The following ANKS1B variants were observed in gnomAD, a reference collection of about 807,000 sequenced individuals.
ANKS1B encodes the protein ankyrin repeat and sterile alpha motif domain containing 1B, also known as ankyrin repeat and sterile alpha motif domain-containing protein 1B.
ANKS1B carries 36 observed loss-of-function variants against 148.3 expected under a neutral mutation model. The ratio of observed to expected loss-of-function variants is 0.24; its 90% confidence interval spans 0.19 to 0.32. ANKS1B has a LOEUF of 0.32. Among genes scored for constraint, ANKS1B ranks in the 10% least tolerant of loss-of-function variants. ANKS1B has a pLI of 1.00. For synonymous variants in ANKS1B, 542 were observed against 560.8 expected, an observed-to-expected ratio of 0.97 and a Z score of 0.47; for missense variants, 1,157 against 1,542.6, an observed-to-expected ratio of 0.75 and a Z score of 4.19.
At chr12:99,172,759 A>AT (rs895497635) in intron 14 of ANKS1B, among the ~76,000 whole-genome samples, 4 of 151,850 alleles carry the variant, frequency 2.6e-5, no homozygotes, top group Non-Finnish European at 5.9e-5. Flanking sequence ...AATAATAACA[A>AT]TTTTTTTAAA....
chr12:99,616,611 C>T (rs775895562), intron 9 of ANKS1B, among the ~76,000 whole-genome samples: 4 of 152,102 alleles, frequency 2.6e-5, no homozygotes, highest in East Asian at 1.9e-4. Flanking sequence ...AAACTGAACC[C>T]CTTTCTTACA....
intron 15 of ANKS1B, among the ~76,000 whole-genome samples, chr12:99,125,144 GA>G (rs764362649): frequency 6.6e-5 from 10 of 152,154 alleles, no homozygotes; most frequent in Non-Finnish European, 1.2e-4. Context: ...AATCGACAGA[GA>G]GGGGAAAATT....
chr12:99,453,246 C>T (rs766528750), intron 10 of ANKS1B, among the ~76,000 whole-genome samples: 4 of 151,964 alleles, frequency 2.6e-5, no homozygotes, highest in Non-Finnish European at 5.9e-5. Flanking sequence ...GCCGAGATTG[C>T]ACCACTGCAC....
intron 22 of ANKS1B, among the ~76,000 whole-genome samples, chr12:98,787,289 G>C (rs1475104481): frequency 6.6e-6 from 1 of 152,156 alleles, no homozygotes; most frequent in African/African-American, 2.4e-5. Context: ...ACTTTCTGGG[G>C]AAAGGCTTCC....
chr12:99,354,053 C>A (rs573077085), intron 12 of ANKS1B, among the ~76,000 whole-genome samples: 1 of 151,944 alleles, frequency 6.6e-6, no homozygotes, highest in South Asian at 2.1e-4. Context: ...CTGCTTCATG[C>A]AAGATAAAAG....
At chr12:99,176,008 G>A (rs147573296) in intron 14 of ANKS1B, among the ~76,000 whole-genome samples, 32 of 152,092 alleles carry the variant, frequency 2.1e-4, no homozygotes, top group Middle Eastern at 3.4e-3. Context: ...CACCATGCCC[G>A]GCTAATTTTT....
intron 9 of ANKS1B, among the ~76,000 whole-genome samples, chr12:99,576,432 C>T (rs1036498567): frequency 6.6e-6 from 1 of 151,924 alleles, no homozygotes; most frequent in African/African-American, 2.4e-5. Context: ...CAAGAATATA[C>T]ATTCTTCTCA....
intron 15 of ANKS1B, among the ~76,000 whole-genome samples, chr12:99,131,138 T>G (rs2065972521): frequency 6.6e-6 from 1 of 152,204 alleles, no homozygotes; most frequent in South Asian, 2.1e-4. Flanking sequence ...TCGTCTTTGC[T>G]TTATTCTTCC....
chr12:99,474,198 C>T (rs936731010), intron 10 of ANKS1B, among the ~76,000 whole-genome samples: 4 of 152,102 alleles, frequency 2.6e-5, no homozygotes, highest in Non-Finnish European at 4.4e-5. Flanking sequence ...TGTCCATTTT[C>T]GTATGTAAGT....
intron 17 of ANKS1B, among the ~76,000 whole-genome samples, chr12:98,878,949 A>G (rs1017310924): frequency 6.6e-6 from 1 of 152,158 alleles, no homozygotes; most frequent in Non-Finnish European, 1.5e-5. Flanking sequence ...CAATGCAGAG[A>G]CTCTAACAAA....
At position 99,015,321 on chromosome 12, in the gene ANKS1B, C is replaced by T. The variant is rs1038103051; in HGVS notation, c.2778+37836G>A. On this transcript the variant is annotated intron_variant, in intron 17 of 26. Transcript: ENST00000683438. ...TTCTCATTTATAAGTGGGAACTGAACGATGAGAACACATGGACACAACACA... is the reference window on the plus strand; with the variant it reads ...TTCTCATTTATAAGTGGGAACTGAATGATGAGAACACATGGACACAACACA... 4.6e-5 allele frequency among the ~76,000 whole-genome samples: 7 copies of T among 152,096 alleles called. 1 individual carries two copies. Among genetic ancestry groups the T allele is most frequent in the Admixed American group, 2.6e-4 (4 of 15,286 alleles).
At chr12:99,373,620 T>G (rs73151117) in intron 12 of ANKS1B, among the ~76,000 whole-genome samples, 18,929 of 152,182 alleles carry the variant, frequency 0.12, 1,249 homozygotes, top group African/African-American at 0.17. Context: ...GACTTTTTCA[T>G]TAGTTTCTTC....
chr12:99,701,079 C>A (rs555409908), intron 8 of ANKS1B, among the ~76,000 whole-genome samples: 1 of 152,276 alleles, frequency 6.6e-6, no homozygotes, highest in Admixed American at 6.5e-5. Flanking sequence ...AACTTTGTTA[C>A]CACACTTCAA....
Position 99,806,556 on chromosome 12 carries a change from G to A in ANKS1B, c.517C>T (p.Arg173Trp), listed in dbSNP as rs1359127931. Residue 173 changes from arginine (R) to tryptophan (W), a missense_variant, in exon 4 of 27, where the codon CGG becomes TGG. By Grantham distance (101) the Arg-to-Trp change is moderately radical. This residue lies in a region of ANKS1B where 164 missense variants were observed against 232.6 expected (regional missense o/e 0.71). Coordinates refer to ENST00000683438, the MANE Select transcript of ANKS1B (RefSeq NM_001352186.2). ...TPLDLAALYGRLRVVKMIISA... is the reference protein window; with the variant it reads ...TPLDLAALYGWLRVVKMIISA... ...ATGATCATTTTTACCACTCTAAGCC[G>A]TCCGTAGAGTGCCGCCAAGTCCAAA... The A allele has an allele frequency of 8.7e-6, 14 of 1,613,844 alleles. No homozygotes were observed. Among genetic ancestry groups the A allele is most frequent in the East Asian group, 2.2e-5 (1 of 44,858 alleles).
At chr12:98,757,053 GA>G (rs202183472) in intron 25 of ANKS1B, among the ~76,000 whole-genome samples, 14,034 of 145,578 alleles carry the variant, frequency 0.096, 712 homozygotes, top group Middle Eastern at 0.17. Flanking sequence ...AAAAAAAAAG[GA>G]AAAAAAAAAA....
At chr12:99,680,836 T>A (rs911928398) in intron 8 of ANKS1B, among the ~76,000 whole-genome samples, 2 of 152,108 alleles carry the variant, frequency 1.3e-5, no homozygotes, top group African/African-American at 4.8e-5. Flanking sequence ...CTAGCCTTAC[T>A]GGCTGCATGG....
intron 17 of ANKS1B, among the ~76,000 whole-genome samples, chr12:98,836,338 C>T (rs908745617): frequency 6.6e-6 from 1 of 152,190 alleles, no homozygotes; most frequent in African/African-American, 2.4e-5. Flanking sequence ...AGGTACCTCA[C>T]AGTATTCCCT....
chr12:99,256,216 C>T (rs770393332), intron 12 of ANKS1B, among the ~76,000 whole-genome samples: 2 of 149,052 alleles, frequency 1.3e-5, no homozygotes, highest in Non-Finnish European at 3.0e-5. Context: ...TGTCACTGCA[C>T]TCCAGCCTGG....
intron 4 of ANKS1B, among the ~76,000 whole-genome samples, chr12:99,805,263 C>CAAAAAAGAA (rs2067458437): frequency 3.5e-5 from 1 of 28,908 alleles, no homozygotes; most frequent in Non-Finnish European, 5.8e-5. Context: ...GAGGAAAAGG[C>CAAAAAAGAA]AAAAAAAAAA....
Sources: allele counts gnomAD v4.1 joint callset (sites outside exome capture counted in the v4.1 genomes callset), GRCh38; gene constraint gnomAD v4.1.1; regional missense constraint gnomAD v4.1.1; transcripts MANE v1.5; gene names NCBI Gene and HGNC (gene_info 2026-07-23, HGNC 2026-07-21).